The following SCARA5 variants were observed in gnomAD, a reference collection of about 807,000 sequenced individuals.
SCARA5 encodes the protein scavenger receptor class A member 5, also known as scavenger receptor class A, member 5 (putative).
A neutral mutation model predicts 46.3 loss-of-function variants in SCARA5; 45 were observed. The observed-to-expected ratio is 0.97, with a 90% CI of 0.76 to 1.24. SCARA5 has a LOEUF of 1.24. Among genes scored for constraint, SCARA5 ranks in the 50% most tolerant of loss-of-function variants. The pLI, the probability that SCARA5 is intolerant of heterozygous loss-of-function variation, is 0.00. For synonymous variants in SCARA5, 333 were observed against 306.5 expected, an observed-to-expected ratio of 1.09 and a Z score of -0.90; for missense variants, 680 against 689.0, an observed-to-expected ratio of 0.99 and a Z score of 0.15.
intron 3 of SCARA5, among the ~76,000 whole-genome samples, chr8:27,927,419 A>G (rs1291004779): frequency 1.3e-5 from 2 of 152,230 alleles, no homozygotes; most frequent in African/African-American, 4.8e-5. Flanking sequence ...GTCCCACAAC[A>G]GAGCACACTG....
At chr8:27,958,351 C>T (rs4493867) in intron 3 of SCARA5, among the ~76,000 whole-genome samples, 6,453 of 152,278 alleles carry the variant, frequency 0.042, 282 homozygotes, top group East Asian at 0.2. Context: ...GCAGGAGAAG[C>T]TCTGATGGCT....
chr8:27,872,179 C>T (rs1439979399), intron 8 of SCARA5, 109 bp from the exon 9 acceptor site: 1 of 1,170,698 alleles, frequency 8.5e-7, no homozygotes, highest in Non-Finnish European at 1.2e-6. Flanking sequence ...TACACTCAAA[C>T]CTAGGGGCTT....
chr8:27,909,790 A>C, intron 4 of SCARA5, 47 bp from the exon 5 acceptor site: 1 of 1,286,726 alleles, frequency 7.8e-7, no homozygotes, highest in Non-Finnish European at 1.1e-6. Flanking sequence ...CCCTTCTGAA[A>C]CAGGACCAGG....
At chr8:27,945,298 C>T (rs1165295931) in intron 3 of SCARA5, among the ~76,000 whole-genome samples, 6 of 152,040 alleles carry the variant, frequency 3.9e-5, no homozygotes. Flanking sequence ...TGGTGGCAGG[C>T]ATGTCACACA....
intron 3 of SCARA5, among the ~76,000 whole-genome samples, chr8:27,951,020 T>A (rs1355563084): frequency 6.6e-6 from 1 of 152,026 alleles, no homozygotes; most frequent in African/African-American, 2.4e-5. Context: ...CATCTAAGGG[T>A]CTCCACGTTA....
At chr8:27,990,752 G>A (rs1808776079) in intron 1 of SCARA5, among the ~76,000 whole-genome samples, 1 of 152,246 alleles carries the variant, frequency 6.6e-6, no homozygotes, top group African/African-American at 2.4e-5. Flanking sequence ...TCCTGGGACT[G>A]AGGCAGGGCT....
At chr8:27,970,736 T>C (rs1297416029) in intron 2 of SCARA5, among the ~76,000 whole-genome samples, 1 of 152,048 alleles carries the variant, frequency 6.6e-6, no homozygotes, top group Non-Finnish European at 1.5e-5. Flanking sequence ...AACCCTCCAA[T>C]TTTGGGGCTT....
intron 7 of SCARA5, among the ~76,000 whole-genome samples, chr8:27,883,811 T>C (rs998599081): frequency 2.6e-5 from 4 of 151,932 alleles, no homozygotes; most frequent in African/African-American, 4.9e-5. Flanking sequence ...AAAATGCCCA[T>C]GTGAACTGCC....
intron 2 of SCARA5, among the ~76,000 whole-genome samples, chr8:27,981,886 C>A (rs566962636): frequency 6.6e-6 from 1 of 152,212 alleles, no homozygotes; most frequent in African/African-American, 2.4e-5. Context: ...CTGTAAACGG[C>A]GGTGACTCTT....
intron 7 of SCARA5, among the ~76,000 whole-genome samples, chr8:27,883,042 C>T (rs1212312485): frequency 1.3e-5 from 2 of 152,216 alleles, no homozygotes; most frequent in African/African-American, 4.8e-5. Flanking sequence ...ACAATCCTGG[C>T]CCATGGAAAC....
chr8:27,976,405 C>G (rs906491307), intron 2 of SCARA5, among the ~76,000 whole-genome samples: 2 of 152,188 alleles, frequency 1.3e-5, no homozygotes, highest in African/African-American at 4.8e-5. Flanking sequence ...GCTCCTTGTT[C>G]AGAAGATTCC....
chr8:27,935,187 T>C (rs77101273), intron 3 of SCARA5, among the ~76,000 whole-genome samples: 1 of 152,328 alleles, frequency 6.6e-6, no homozygotes, highest in East Asian at 1.9e-4. Context: ...TACAATTCTA[T>C]TGTTTTAAGC....
In SCARA5 at chr8:27,950,209, A is replaced by G. The variant is rs1402494466; in HGVS notation, c.241+16205T>C. On this transcript the variant is annotated intron_variant, in intron 3 of 8. Transcript: ENST00000354914. ...AACTGCATGCCAGCCCCAGGGGCTG[A>G]GGCAGGGACACCCACACGCTCTTTG... is the stretch of plus-strand genomic sequence containing the variant. 2.0e-5 allele frequency among the ~76,000 whole-genome samples: 3 copies of G among 150,296 alleles called. No individual in the cohort carries two copies. The East Asian group carries it at 5.9e-4, about 30-fold the overall frequency.
chr8:27,884,531 C>T (rs1806863104), intron 7 of SCARA5, among the ~76,000 whole-genome samples: 1 of 152,236 alleles, frequency 6.6e-6, no homozygotes, highest in Non-Finnish European at 1.5e-5. Context: ...GTGGGGTCAG[C>T]AAGTAGGGCA....
chr8:27,897,705 C>A (rs1034247610), intron 7 of SCARA5, among the ~76,000 whole-genome samples: 2 of 152,162 alleles, frequency 1.3e-5, no homozygotes, highest in Non-Finnish European at 2.9e-5. Context: ...AGGGATTAGG[C>A]AGCAGTCAAA....
At position 27,922,174 on chromosome 8, in the gene SCARA5, A is replaced by G. The variant is rs1426124806; in HGVS notation, c.313T>C (p.Phe105Leu). 1 of 1,607,656 alleles carries G rather than the reference A, an allele frequency of 6.2e-7. No homozygotes were observed. The highest frequency in any genetic ancestry group is 1.7e-5 in the Admixed American group (1 of 59,176). ...TRNVNRLNES[F>L]RDLQLRLLQA... ...AGCAGCCGCAGCTGCAAGTCCCGGAAGCTCTCATTCAGCCGGTTCACATTG... is the reference window on the plus strand; with the variant it reads ...AGCAGCCGCAGCTGCAAGTCCCGGAGGCTCTCATTCAGCCGGTTCACATTG... The change falls in exon 4 of 9, where the codon TTC (phenylalanine) becomes CTC (leucine). Residue 105 changes from phenylalanine (F) to leucine (L), a missense_variant. Transcript: ENST00000354914.
In SCARA5 at chr8:27,870,239, T is replaced by G. The variant is rs1806613775; in HGVS notation, c.*1695A>C. The G allele has an allele frequency of 6.6e-6, 1 of 150,914 alleles. No homozygotes were observed. Among genetic ancestry groups the G allele is most frequent in the African/African-American group, 2.4e-5 (1 of 40,920 alleles). The allele number at this position is 150,914 out of a possible 1,614,324, so 9.3% of individuals were successfully genotyped here. ...GTTTTTTTTTTTTTTTTTTTTTAAC[T>G]TAAATGCAAACCTTGCAATGTGCTG... On this transcript the variant is annotated 3_prime_UTR_variant, in exon 9 of 9. Coordinates refer to ENST00000354914, the MANE Select transcript of SCARA5 (RefSeq NM_173833.6).
chr8:27,896,624 G>A lies in SCARA5; in HGVS notation c.1153+8154C>T, dbSNP rs576698359. 2.0e-5 allele frequency among the ~76,000 whole-genome samples: 3 copies of A among 152,176 alleles called. No homozygotes were observed. The South Asian group carries it at 6.2e-4, about 32-fold the overall frequency. ...TGTTGAACTCAATACAACCCCTGAG[G>A]ATCATGGTGGGGGACCCAGGCACCA... On this transcript the variant is annotated intron_variant, in intron 7 of 8. Coordinates refer to ENST00000354914, the MANE Select transcript of SCARA5 (RefSeq NM_173833.6).
At chr8:27,877,535 C>T (rs1160510218) in intron 8 of SCARA5, among the ~76,000 whole-genome samples, 2 of 152,210 alleles carry the variant, frequency 1.3e-5, no homozygotes, top group Admixed American at 1.3e-4. Flanking sequence ...ACTACCTATT[C>T]TGGCTTCTTG....
Sources: allele counts gnomAD v4.1 joint callset (sites outside exome capture counted in the v4.1 genomes callset), GRCh38; gene constraint gnomAD v4.1.1; transcripts MANE v1.5; gene names NCBI Gene and HGNC (gene_info 2026-07-23, HGNC 2026-07-21).